MAP2K5: variants seen among roughly 807,000 people sequenced by gnomAD.
The protein encoded by MAP2K5 is mitogen-activated protein kinase kinase 5, also known as dual specificity mitogen-activated protein kinase kinase 5.
A neutral mutation model predicts 83.1 loss-of-function variants in MAP2K5; 49 were observed. The ratio of observed to expected loss-of-function variants is 0.59; its 90% CI spans 0.47 to 0.75. MAP2K5 has a LOEUF of 0.75. MAP2K5 is among the 30% of genes least tolerant of loss of function. MAP2K5 has a pLI of 0.00. For missense variants in MAP2K5, 457 were observed against 557.5 expected, an observed-to-expected ratio of 0.82 and a Z score of 1.82; for synonymous variants, 202 against 191.8, an observed-to-expected ratio of 1.05 and a Z score of -0.44.
intron 8 of MAP2K5, 101 bp downstream of exon 8, chr15:67,600,850 A>C (rs1378873305): frequency 2.5e-6 from 2 of 785,416 alleles, no homozygotes; most frequent in Non-Finnish European, 4.1e-6. Flanking sequence ...TAACACTTAG[A>C]TTTTATTTCC....
chr15:67,658,708 T>G, intron 12 of MAP2K5, 94 bp downstream of exon 12: 1 of 1,145,662 alleles, frequency 8.7e-7, no homozygotes, highest in Non-Finnish European at 1.3e-6. Context: ...TTTCTTGTTC[T>G]TCAATCCCAG....
chr15:67,575,557 C>A (rs1481480183), intron 3 of MAP2K5, among the ~76,000 whole-genome samples: 1 of 152,188 alleles, frequency 6.6e-6, no homozygotes, highest in African/African-American at 2.4e-5. Flanking sequence ...TACCAGGTAA[C>A]CCTACCTATT....
intron 5 of MAP2K5, 151 bp from the exon 6 acceptor site, chr15:67,586,695 C>T (rs2085298898): frequency 2.8e-6 from 2 of 724,186 alleles, no homozygotes; most frequent in Admixed American, 3.8e-5. Flanking sequence ...GTTTTGTAAC[C>T]TATATACTGA....
intron 9 of MAP2K5, among the ~76,000 whole-genome samples, chr15:67,631,845 C>T (rs2086479695): frequency 6.6e-6 from 1 of 152,132 alleles, no homozygotes. Context: ...CTAATTAAGT[C>T]CTAACCCCAC....
chr15:67,603,213 A>G (rs2085701603), intron 8 of MAP2K5, among the ~76,000 whole-genome samples: 2 of 151,710 alleles, frequency 1.3e-5, no homozygotes. Flanking sequence ...GAAACTCTGC[A>G]CCCATTAAAC....
chr15:67,676,615 T>C lies in MAP2K5; in HGVS notation c.847+11970T>C, dbSNP rs2087690455. ...TTGGGTACAATCATAATGATAACAA[T>C]ATTAATCATTTTCCTAATATCATTT... is the stretch of plus-strand genomic sequence containing the variant. On this transcript the variant is annotated intron_variant, in intron 13 of 21. Coordinates refer to ENST00000178640, the MANE Select transcript of MAP2K5 (RefSeq NM_145160.3). This position sits in a 1 kb window ranked among gnomAD's most constrained non-coding sequence, Gnocchi z 4.8. 6.6e-6 allele frequency among the ~76,000 whole-genome samples: 1 copy of C among 152,194 alleles called. No homozygotes were observed. Among genetic ancestry groups the C allele is most frequent in the Non-Finnish European group, 1.5e-5 (1 of 68,030 alleles).
chr15:67,774,778 C>T lies in MAP2K5; in HGVS notation c.1242+2026C>T, dbSNP rs1158148051. On this transcript the variant is annotated intron_variant, in intron 21 of 21. Coordinates refer to ENST00000178640, the MANE Select transcript of MAP2K5 (RefSeq NM_145160.3). The surrounding 1 kb of genome is among the most constrained non-coding windows in gnomAD (Gnocchi z 4.9). Reference sequence around the variant, plus strand: ...CCTGGGTGGGGGCCTGTGCCTTTCACAAAAAGAGCAGTTTATCTCCCAAGC... The same window carrying T: ...CCTGGGTGGGGGCCTGTGCCTTTCATAAAAAGAGCAGTTTATCTCCCAAGC... Among the ~76,000 whole-genome samples, 1 of 152,214 alleles carries T rather than the reference C, an allele frequency of 6.6e-6. No homozygotes were observed. The highest frequency in any genetic ancestry group is 6.5e-5 in the Admixed American group (1 of 15,282).
chr15:67,608,815 A>G (rs2085840973), intron 8 of MAP2K5, among the ~76,000 whole-genome samples: 1 of 152,134 alleles, frequency 6.6e-6, no homozygotes, highest in Non-Finnish European at 1.5e-5. Context: ...GGTTAGAGTG[A>G]TTAATGTACT....
At chr15:67,629,512 C>T (rs774117888) in intron 8 of MAP2K5, among the ~76,000 whole-genome samples, 38 of 151,946 alleles carry the variant, frequency 2.5e-4, no homozygotes, top group African/African-American at 8.9e-4. Flanking sequence ...TGCTAAACAG[C>T]AGAAAATGAT....
chr15:67,766,966 CAT>C (rs1197067552), intron 19 of MAP2K5, among the ~76,000 whole-genome samples: 1 of 152,086 alleles, frequency 6.6e-6, no homozygotes, highest in Non-Finnish European at 1.5e-5. Context: ...AAATATCTGG[CAT>C]TGTGCATGTG....
At position 67,582,014 on chromosome 15, in the gene MAP2K5, T is replaced by C. The variant is rs143934097; in HGVS notation, c.322+1191T>C. Among the ~76,000 whole-genome samples, 499 of 152,056 alleles carry C rather than the reference T, an allele frequency of 3.3e-3. 2 individuals carry two copies. The highest frequency in any genetic ancestry group is 5.9e-3 in the Non-Finnish European group (404 of 67,990). On this transcript the variant is annotated intron_variant, in intron 4 of 21. Coordinates refer to ENST00000178640, the MANE Select transcript of MAP2K5 (RefSeq NM_145160.3). ...CACCAAAACAGAAAAAAAGAAATGT[T>C]GCTATTTCTGTTTATTAGTCCAATG...
chr15:67,686,437 G>T (rs1171782123), intron 13 of MAP2K5, among the ~76,000 whole-genome samples: 1 of 151,504 alleles, frequency 6.6e-6, no homozygotes, highest in East Asian at 1.9e-4. Context: ...TGAAACCCCC[G>T]TCTCACTAAA....
In MAP2K5 at chr15:67,720,110, G is replaced by A. The variant is rs1463955698; in HGVS notation, c.1045-7806G>A. ...TTTCCCCTTTTTTATTTATCAATTA[G>A]CTGCCTTATACTTACTATGGCCTAG... On this transcript the variant is annotated intron_variant, in intron 16 of 21. Transcript: ENST00000178640. This position sits in a 1 kb window ranked among gnomAD's most constrained non-coding sequence, Gnocchi z 5.7. Among the ~76,000 whole-genome samples the A allele has an allele frequency of 1.3e-5, 2 of 152,126 alleles. No homozygotes were observed. The highest frequency in any genetic ancestry group is 3.9e-4 in the East Asian group (2 of 5,176).
In MAP2K5 at chr15:67,719,858, A is replaced by C. The variant is rs765485579; in HGVS notation, c.1045-8058A>C. On this transcript the variant is annotated intron_variant, in intron 16 of 21. Transcript: ENST00000178640. This position sits in a 1 kb window ranked among gnomAD's most constrained non-coding sequence, Gnocchi z 4.6. Reference sequence around the variant, plus strand: ...TGGTTGCTCTCATTAATCATGACTAAACTTTATGTCTCTTTAACTCAGAGT... The same window carrying C: ...TGGTTGCTCTCATTAATCATGACTACACTTTATGTCTCTTTAACTCAGAGT... Among the ~76,000 whole-genome samples, 20 of 152,208 alleles carry C rather than the reference A, an allele frequency of 1.3e-4. No individual in the cohort carries two copies. The highest frequency in any genetic ancestry group is 2.4e-4 in the Non-Finnish European group (16 of 68,026).
rs1423659994 is a variant in MAP2K5 at position 67,693,448 on chromosome 15, T to G, written c.922-70T>G. The G allele has an allele frequency of 2.5e-6, 3 of 1,194,466 alleles. No individual in the cohort carries two copies. In the African/African-American group the frequency reaches 4.6e-5, roughly 18 times the overall value. 74.0% of individuals were successfully genotyped at this position (1,194,466 alleles called of 1,614,324 possible). A position where few individuals can be genotyped will look rare whatever the true frequency, so the allele number is the denominator to read the frequency against. Reference sequence around the variant, plus strand: ...ATATGAATGATGATTGTAGGTTAAATGAGGAATAATTGCCCATTTTATTTC... The same window carrying G: ...ATATGAATGATGATTGTAGGTTAAAGGAGGAATAATTGCCCATTTTATTTC... On this transcript the variant is annotated intron_variant, in intron 14 of 21. Transcript: ENST00000178640.
intron 16 of MAP2K5, chr15:67,718,179 A>C (rs2088870540): frequency 6.6e-6 from 1 of 152,186 alleles, no homozygotes; most frequent in African/African-American, 2.4e-5. Context: ...TAGAAATAGA[A>C]ATGTGAGTGA....
chr15:67,676,216 G>A lies in MAP2K5; in HGVS notation c.847+11571G>A, dbSNP rs2087680535. Among the ~76,000 whole-genome samples, 1 of 152,226 alleles carries A rather than the reference G, an allele frequency of 6.6e-6. No individual in the cohort carries two copies. Among genetic ancestry groups the A allele is most frequent in the Admixed American group, 6.5e-5 (1 of 15,284 alleles). On this transcript the variant is annotated intron_variant, in intron 13 of 21. Coordinates refer to ENST00000178640, the MANE Select transcript of MAP2K5 (RefSeq NM_145160.3). This position sits in a 1 kb window ranked among gnomAD's most constrained non-coding sequence, Gnocchi z 4.8. Reference sequence around the variant, plus strand: ...AAACCTGAAGTTTAGGAGCTTATCAGAGGGAGAGAGAGAGCACCTGTATGA... The same window carrying A: ...AAACCTGAAGTTTAGGAGCTTATCAAAGGGAGAGAGAGAGCACCTGTATGA...
At chr15:67,569,908 G>T (rs1282631451) in intron 3 of MAP2K5, among the ~76,000 whole-genome samples, 2 of 152,198 alleles carry the variant, frequency 1.3e-5, no homozygotes, top group African/African-American at 4.8e-5. Flanking sequence ...TGGCCTGATA[G>T]TCCTGTTTTA....
intron 13 of MAP2K5, among the ~76,000 whole-genome samples, chr15:67,685,063 T>C (rs566184060): frequency 6.6e-6 from 1 of 152,132 alleles, no homozygotes; most frequent in Non-Finnish European, 1.5e-5. Context: ...CTGAAAACTT[T>C]CCAAATTTGG....
Sources: allele counts gnomAD v4.1 joint callset (sites outside exome capture counted in the v4.1 genomes callset), GRCh38; gene constraint gnomAD v4.1.1; non-coding constraint Gnocchi (gnomAD v3.1); transcripts MANE v1.5; gene names NCBI Gene and HGNC (gene_info 2026-07-23, HGNC 2026-07-21).